Variants in RAB6B observed in about 807,000 individuals in gnomAD.
RAB6B encodes the protein ras-related protein Rab-6B.
RAB6B carries 7 observed loss-of-function variants against 31.2 expected under a neutral mutation model. The ratio of observed to expected loss-of-function variants is 0.22; its 90% CI spans 0.13 to 0.42. RAB6B has a LOEUF of 0.42. Ranked by LOEUF, RAB6B falls within the 10% of genes least tolerant of loss-of-function variation. RAB6B has a pLI of 1.00. For synonymous variants in RAB6B, 105 were observed against 104.9 expected (o/e 1.00, Z -0.01); for missense variants, 149 against 280.6 (o/e 0.53, Z 3.35).
intron 2 of RAB6B, among the ~76,000 whole-genome samples, chr3:133,841,955 AAGGCCACTC>A (rs1935842090): frequency 6.6e-6 from 1 of 152,286 alleles, no homozygotes; most frequent in African/African-American, 2.4e-5. Flanking sequence ...CCCCAGGAGC[AAGGCCACTC>A]AGGCCACTCA....
At chr3:133,888,646 A>G (rs1038180884) in intron 1 of RAB6B, among the ~76,000 whole-genome samples, 1 of 152,238 alleles carries the variant, frequency 6.6e-6, no homozygotes, top group African/African-American at 2.4e-5. Context: ...CTTTATTAAA[A>G]TGCTAAATTA....
chr3:133,841,435 C>T (rs766939127), intron 3 of RAB6B, 45 bp from the exon 4 acceptor site: 128 of 1,594,846 alleles, frequency 8.0e-5, no homozygotes, highest in Middle Eastern at 3.4e-4. Context: ...GTCAGTGGGG[C>T]AGTGAGGTCC....
chr3:133,889,957 T>A (rs183343336), intron 1 of RAB6B, among the ~76,000 whole-genome samples: 19 of 152,312 alleles, frequency 1.2e-4, no homozygotes, highest in African/African-American at 4.3e-4. Flanking sequence ...TTAATTCTCA[T>A]CCTGGTGTCT....
chr3:133,862,884 G>A (rs555279389), intron 2 of RAB6B, among the ~76,000 whole-genome samples: 2 of 152,256 alleles, frequency 1.3e-5, no homozygotes, highest in South Asian at 2.1e-4. Flanking sequence ...ACACTAACAA[G>A]AAGCATTATA....
chr3:133,838,330 C>T (rs1935772683), intron 5 of RAB6B, 71 bp from the exon 6 acceptor site: 10 of 1,407,826 alleles, frequency 7.1e-6, no homozygotes, highest in Middle Eastern at 1.8e-4. Context: ...AGGAGGGACC[C>T]ACCCAGCAGG....
chr3:133,863,656 C>T (rs1936194126), intron 2 of RAB6B, among the ~76,000 whole-genome samples: 1 of 151,910 alleles, frequency 6.6e-6, no homozygotes, highest in Non-Finnish European at 1.5e-5. Flanking sequence ...CCCAGTGTTC[C>T]CTAAATCTGT....
chr3:133,847,868 C>T (rs146911392), intron 2 of RAB6B, among the ~76,000 whole-genome samples: 1 of 152,218 alleles, frequency 6.6e-6, no homozygotes, highest in African/African-American at 2.4e-5. Context: ...GCTTTCCCTG[C>T]CTCTCTAATT....
intron 1 of RAB6B, chr3:133,894,587 G>A (rs902901380): frequency 6.6e-6 from 1 of 152,198 alleles, no homozygotes; most frequent in Non-Finnish European, 1.5e-5. Flanking sequence ...GTGTCGCCTG[G>A]GCCTTTCTCT....
intron 1 of RAB6B, among the ~76,000 whole-genome samples, chr3:133,867,831 C>A (rs1483882529): frequency 6.6e-6 from 1 of 152,150 alleles, no homozygotes; most frequent in Non-Finnish European, 1.5e-5. Flanking sequence ...ATGAGGGACT[C>A]ATTCTTACTT....
chr3:133,857,761 T>C (rs376948813), intron 2 of RAB6B, among the ~76,000 whole-genome samples: 42 of 152,320 alleles, frequency 2.8e-4, no homozygotes, highest in African/African-American at 9.1e-4. Flanking sequence ...TCCTTTTTCT[T>C]TGTATTGATG....
At chr3:133,847,110 C>T (rs58912773) in intron 2 of RAB6B, among the ~76,000 whole-genome samples, 3,625 of 152,326 alleles carry the variant, frequency 0.024, 93 homozygotes, top group African/African-American at 0.061. Context: ...ACAGTAACAA[C>T]ATCTCAGCAC....
chr3:133,839,688 T>C lies in RAB6B; in HGVS notation c.290-71A>G, dbSNP rs1935792892. The C allele has an allele frequency of 7.8e-5, 91 of 1,164,012 alleles. 3 individuals carry two copies. The South Asian group carries it at 1.1e-3, about 14-fold the overall frequency. 72.1% of individuals were successfully genotyped at this position (1,164,012 alleles called of 1,614,324 possible). A position where few individuals can be genotyped will look rare whatever the true frequency, so the allele number is the denominator to read the frequency against. ...CAGTGGGAGATGGGAAGGGGAGGTG[T>C]GAGCCAGGAGCAGGAGGGAGGGTGA... On this transcript the variant is annotated intron_variant, in intron 4 of 7. Coordinates refer to ENST00000285208, the MANE Select transcript of RAB6B (RefSeq NM_016577.4).
intron 1 of RAB6B, among the ~76,000 whole-genome samples, chr3:133,869,683 GA>G (rs1178291666): frequency 6.6e-6 from 1 of 152,166 alleles, no homozygotes; most frequent in Non-Finnish European, 1.5e-5. Context: ...GGCTAGCTTA[GA>G]AAAAATAGCA....
chr3:133,887,903 A>G (rs1016906101), intron 1 of RAB6B, among the ~76,000 whole-genome samples: 5 of 152,158 alleles, frequency 3.3e-5, no homozygotes, highest in Non-Finnish European at 7.4e-5. Flanking sequence ...CATAGGCTCT[A>G]TCAACTCCCT....
intron 5 of RAB6B, among the ~76,000 whole-genome samples, chr3:133,839,088 G>A (rs1056655344): frequency 3.9e-5 from 6 of 152,300 alleles, no homozygotes; most frequent in African/African-American, 1.4e-4. Context: ...TCACACCTAG[G>A]GCCCAGGGCA....
intron 2 of RAB6B, among the ~76,000 whole-genome samples, chr3:133,843,826 G>A (rs778476639): frequency 3.9e-5 from 6 of 152,168 alleles, no homozygotes; most frequent in African/African-American, 9.7e-5. Context: ...GTCCGGTGGG[G>A]ATGAGTCATA....
At chr3:133,893,314 A>G (rs1210562397) in intron 1 of RAB6B, among the ~76,000 whole-genome samples, 1 of 152,200 alleles carries the variant, frequency 6.6e-6, no homozygotes, top group Non-Finnish European at 1.5e-5. Flanking sequence ...CCAGCCCAGA[A>G]GCATTAGCAA....
At position 133,838,244 on chromosome 3, in the gene RAB6B, C is replaced by T. The variant is rs766561763; in HGVS notation, c.417G>A (p.Glu139=). 1.2e-6 allele frequency: 2 copies of T among 1,614,062 alleles called. No homozygotes were observed. Among genetic ancestry groups the T allele is most frequent in the East Asian group, 2.2e-5 (1 of 44,882 alleles). Residue 139 remains glutamate (E), a synonymous_variant, in exon 6 of 8, where the codon GAG becomes GAA. Transcript: ENST00000285208. ...GTTCTTTGGCGCGCTGCTCCCCCTCCTCGATGGTTATCTGCCTAGAGATGA... is the reference window on the plus strand; with the variant it reads ...GTTCTTTGGCGCGCTGCTCCCCCTCTTCGATGGTTATCTGCCTAGAGATGA... ...DLADKRQITI[E]EGEQRAKELS...
At chr3:133,876,904 A>AC (rs1004822871) in intron 1 of RAB6B, among the ~76,000 whole-genome samples, 22 of 144,904 alleles carry the variant, frequency 1.5e-4, no homozygotes, top group African/African-American at 5.3e-4. Context: ...ATACACACAC[A>AC]AAAAAAAAAG....
Sources: allele counts gnomAD v4.1 joint callset (sites outside exome capture counted in the v4.1 genomes callset), GRCh38; gene constraint gnomAD v4.1.1; transcripts MANE v1.5; gene names NCBI Gene and HGNC (gene_info 2026-07-23, HGNC 2026-07-21).